Variants in UBE2J2 observed in about 807,000 individuals in gnomAD.
UBE2J2 encodes ubiquitin conjugating enzyme E2 J2.
Under a neutral mutation model 28.6 loss-of-function variants are expected in UBE2J2, and 5 were observed. That is an observed-to-expected ratio of 0.17 (90% CI 0.09 to 0.37). The LOEUF (loss-of-function observed/expected upper bound fraction) is 0.37, where lower values mean the gene tolerates loss of function less well. UBE2J2 is among the 10% of genes least tolerant of loss of function. UBE2J2 has a pLI of 1.00. For missense variants in UBE2J2, 226 were observed against 338.9 expected (o/e 0.67, Z 2.62); for synonymous variants, 138 against 139.7 (o/e 0.99, Z 0.09).
chr1:1,257,406 C>CCCCCCCCCCCCCCCCCCCCCCCA (rs1553154847), intron 3 of UBE2J2, 96 bp from the exon 4 acceptor site: 1 of 558,728 alleles, frequency 1.8e-6, no homozygotes. Context: ...CCCCCCCCCC[C>CCCCCCCCCCCCCCCCCCCCCCCA]CCTCAGCTCG....
intron 2 of UBE2J2, chr1:1,266,246 C>A: frequency 9.5e-7 from 1 of 1,056,750 alleles, no homozygotes; most frequent in Non-Finnish European, 1.2e-6. Context: ...GACCCCTGAC[C>A]AAGCCGAAAC....
In UBE2J2 at chr1:1,268,835, G is replaced by A. The variant is rs1299309031; in HGVS notation, c.1-843C>T. ...TGAGACTACAGACGCATGCCACCAC[G>A]CCTAGCTAATTTTTTTTTTTTTGTA... On this transcript the variant is annotated intron_variant, in intron 1 of 6. Coordinates refer to ENST00000349431, the MANE Select transcript of UBE2J2 (RefSeq NM_058167.3). This position sits in a 1 kb window ranked among gnomAD's most constrained non-coding sequence, Gnocchi z 4.7. 1.3e-5 allele frequency among the ~76,000 whole-genome samples: 2 copies of A among 151,540 alleles called. No individual in the cohort carries two copies. The highest frequency in any genetic ancestry group is 1.9e-4 in the East Asian group (1 of 5,184).
intron 1 of UBE2J2, chr1:1,273,168 G>A (rs1458569751): frequency 6.6e-6 from 1 of 152,192 alleles, no homozygotes; most frequent in Non-Finnish European, 1.5e-5. Context: ...ACTTGTTCCG[G>A]GCTCGTGTCT....
chr1:1,266,036 C>A, intron 2 of UBE2J2: 2 of 1,299,720 alleles, frequency 1.5e-6, no homozygotes, highest in Non-Finnish European at 2.0e-6. Context: ...GATTTCCCCA[C>A]ACAATGAAGA....
intron 3 of UBE2J2, among the ~76,000 whole-genome samples, chr1:1,262,684 G>A (rs980205664): frequency 1.1e-4 from 16 of 152,184 alleles, no homozygotes; most frequent in Non-Finnish European, 2.1e-4. Context: ...GTATTCACGG[G>A]CACACTGACT....
At chr1:1,262,732 G>C (rs972371899) in intron 3 of UBE2J2, 1 of 174,996 alleles carries the variant, frequency 5.7e-6, no homozygotes, top group Non-Finnish European at 1.2e-5. Context: ...GCCAGCCTCC[G>C]CCAAAGGCCC....
At chr1:1,267,668 C>G in intron 2 of UBE2J2, 194 bp downstream of exon 2, 1 of 1,351,272 alleles carries the variant, frequency 7.4e-7, no homozygotes, top group Non-Finnish European at 9.7e-7. Context: ...TCTGTGATGT[C>G]CCCGGCATGC....
intron 2 of UBE2J2, among the ~76,000 whole-genome samples, chr1:1,265,478 C>T (rs567788705): frequency 6.6e-6 from 1 of 152,140 alleles, no homozygotes; most frequent in South Asian, 2.1e-4. Context: ...CCACACATGC[C>T]GTCCAAACCC....
At chr1:1,270,537 C>A (rs1442564546) in intron 1 of UBE2J2, among the ~76,000 whole-genome samples, 2 of 152,126 alleles carry the variant, frequency 1.3e-5, no homozygotes, top group Admixed American at 6.5e-5. Flanking sequence ...CTGACTCTTG[C>A]AATCCTTGTT....
chr1:1,272,376 T>A (rs1180938418), intron 1 of UBE2J2, among the ~76,000 whole-genome samples: 1 of 152,232 alleles, frequency 6.6e-6, no homozygotes, highest in African/African-American at 2.4e-5. Context: ...TGTGCCCAGG[T>A]GCTGAGGCAG....
intron 1 of UBE2J2, chr1:1,271,465 A>C (rs1379612749): frequency 6.6e-6 from 1 of 152,206 alleles, no homozygotes; most frequent in Non-Finnish European, 1.5e-5. Flanking sequence ...GCAAAAATAA[A>C]ATAGATTCCA....
intron 5 of UBE2J2, among the ~76,000 whole-genome samples, chr1:1,256,599 G>A (rs1410747399): frequency 6.6e-6 from 1 of 152,170 alleles, no homozygotes; most frequent in African/African-American, 2.4e-5. Flanking sequence ...AAAGGCAGCT[G>A]CGGCCGGGCG....
At chr1:1,273,474 G>A (rs559212006) in intron 1 of UBE2J2, 192 bp downstream of exon 1, 2 of 151,596 alleles carry the variant, frequency 1.3e-5, no homozygotes, top group African/African-American at 4.8e-5. Context: ...CTGACCCGGA[G>A]CTCCGGGAGC....
At chr1:1,272,587 C>G (rs1640209501) in intron 1 of UBE2J2, among the ~76,000 whole-genome samples, 1 of 152,192 alleles carries the variant, frequency 6.6e-6, no homozygotes, top group Non-Finnish European at 1.5e-5. Flanking sequence ...AAATGGGACA[C>G]TCACCTGCGA....
chr1:1,258,474 C>T (rs977410261), intron 3 of UBE2J2, among the ~76,000 whole-genome samples: 1 of 151,992 alleles, frequency 6.6e-6, no homozygotes, highest in African/African-American at 2.4e-5. Flanking sequence ...AGCCCCTCTT[C>T]GCCCACCCAA....
At chr1:1,257,402 C>CCG (rs1639261582) in intron 3 of UBE2J2, 92 bp from the exon 4 acceptor site, 1 of 601,898 alleles carries the variant, frequency 1.7e-6, no homozygotes, top group Non-Finnish European at 2.5e-6. Context: ...CACCCCCCCC[C>CCG]CCCCCCTCAG....
At chr1:1,260,044 G>C (rs1476745056) in intron 3 of UBE2J2, among the ~76,000 whole-genome samples, 1 of 152,160 alleles carries the variant, frequency 6.6e-6, no homozygotes, top group Non-Finnish European at 1.5e-5. Context: ...CTCCCCTGAA[G>C]ACACACATGG....
Position 1,255,125 on chromosome 1 carries a change from G to A in UBE2J2, c.*78C>T. ...AGCCTGGTGGGTCTGCCTGTGCTGG[G>A]CAGTGTGTCCAGCCTGCCGAGGTCA... On this transcript the variant is annotated 3_prime_UTR_variant, in exon 7 of 7. Coordinates refer to ENST00000349431, the MANE Select transcript of UBE2J2 (RefSeq NM_058167.3). 2 of 1,429,736 alleles carry A rather than the reference G, an allele frequency of 1.4e-6. No homozygotes were observed. The highest frequency in any genetic ancestry group is 1.9e-6 in the Non-Finnish European group (2 of 1,065,150). 88.6% of individuals were successfully genotyped at this position (1,429,736 alleles called of 1,614,324 possible). A position where few individuals can be genotyped will look rare whatever the true frequency, so the allele number is the denominator to read the frequency against.
intron 3 of UBE2J2, chr1:1,262,216 C>A: frequency 2.4e-6 from 1 of 418,710 alleles, no homozygotes; most frequent in Non-Finnish European, 4.8e-6. Flanking sequence ...ACACACGCAT[C>A]GTAACAAGTA....
Sources: allele counts gnomAD v4.1 joint callset (sites outside exome capture counted in the v4.1 genomes callset), GRCh38; gene constraint gnomAD v4.1.1; non-coding constraint Gnocchi (gnomAD v3.1); transcripts MANE v1.5; gene names NCBI Gene and HGNC (gene_info 2026-07-23, HGNC 2026-07-21).